ANKRD45: variants seen among roughly 807,000 people sequenced by gnomAD.
The protein encoded by ANKRD45 is ankyrin repeat domain-containing protein 45.
In ANKRD45, 21 loss-of-function variants were observed where a neutral mutation model predicts 28.1. The ratio of observed to expected loss-of-function variants is 0.75; its 90% confidence interval spans 0.53 to 1.08. ANKRD45 has a LOEUF of 1.08. Among genes scored for constraint, ANKRD45 ranks in the 50% least tolerant of loss-of-function variants. ANKRD45 has a pLI of 0.00. For missense variants in ANKRD45, 261 were observed against 308.7 expected (o/e 0.85, Z 1.16); for synonymous variants, 86 against 103.9 (o/e 0.83, Z 1.05).
chr1:173,650,373 T>C (rs531568684), intron 2 of ANKRD45, among the ~76,000 whole-genome samples: 3 of 152,324 alleles, frequency 2.0e-5, no homozygotes, highest in South Asian at 2.1e-4. Flanking sequence ...GTCCTTATGA[T>C]AGTTTGCTGA....
intron 5 of ANKRD45, among the ~76,000 whole-genome samples, chr1:173,613,516 C>T (rs573754975): frequency 6.8e-5 from 10 of 147,228 alleles, no homozygotes; most frequent in Admixed American, 3.3e-4. Context: ...GGGGGCTCAG[C>T]CCCCGCCCGG....
intron 1 of ANKRD45, chr1:173,669,367 T>C (rs1202603759): frequency 4.5e-6 from 2 of 446,112 alleles, no homozygotes; most frequent in Non-Finnish European, 8.9e-6. Context: ...TAGATCCTAA[T>C]GTGCCTTTTA....
At chr1:173,711,055 T>C in the ANKRD45 span, among the ~76,000 whole-genome samples, 1 of 152,074 alleles carries the variant, frequency 6.6e-6, no homozygotes, top group Non-Finnish European at 1.5e-5. Flanking sequence ...ATGGGCCCTG[T>C]GGGTCTCACC....
rs1667027751 is a variant in ANKRD45, at chr1:173,608,836, G to A, written c.*1309C>T. Reference sequence around the variant, plus strand: ...GAGGGAAGAGGAGGAGGAGAGAGAAGAGGAGGGGGAGGGGAGGGGAGAGGA... The same window carrying A: ...GAGGGAAGAGGAGGAGGAGAGAGAAAAGGAGGGGGAGGGGAGGGGAGAGGA... On this transcript the variant is annotated 3_prime_UTR_variant, in exon 6 of 6. Coordinates refer to ENST00000333279, the MANE Select transcript of ANKRD45 (RefSeq NM_198493.3). Among the ~76,000 whole-genome samples, 1 of 115,602 alleles carries A rather than the reference G, an allele frequency of 8.7e-6. No individual in the cohort carries two copies. Among genetic ancestry groups the A allele is most frequent in the South Asian group, 3.1e-4 (1 of 3,206 alleles). 75.8% of individuals were successfully genotyped at this position (115,602 alleles called of 152,430 possible). A position where few individuals can be genotyped will look rare whatever the true frequency, so the allele number is the denominator to read the frequency against.
At chr1:173,711,409 G>A in the ANKRD45 span, among the ~76,000 whole-genome samples, 37 of 152,314 alleles carry the variant, frequency 2.4e-4, 1 homozygote, top group Admixed American at 6.5e-4. Context: ...GGAAAGGTGG[G>A]ACAACTCAAA....
intron 1 of ANKRD45, among the ~76,000 whole-genome samples, chr1:173,661,836 TA>T (rs979688751): frequency 5.9e-5 from 9 of 151,872 alleles, no homozygotes; most frequent in African/African-American, 1.9e-4. Flanking sequence ...CAATAAAAAA[TA>T]AAAAAAGTGA....
At chr1:173,621,070 T>G (rs1318360737) in intron 5 of ANKRD45, among the ~76,000 whole-genome samples, 4 of 152,072 alleles carry the variant, frequency 2.6e-5, no homozygotes, top group African/African-American at 4.8e-5. Flanking sequence ...ATGAATAAAT[T>G]CCTGGACACA....
chr1:173,613,622 C>A (rs1667321488), intron 5 of ANKRD45, among the ~76,000 whole-genome samples: 3 of 145,468 alleles, frequency 2.1e-5, no homozygotes, highest in Admixed American at 2.0e-4. Context: ...CCACGCCCGG[C>A]CAGCTGCCCC....
At chr1:173,638,411 G>A (rs1331909220) in intron 3 of ANKRD45, among the ~76,000 whole-genome samples, 1 of 152,082 alleles carries the variant, frequency 6.6e-6, no homozygotes, top group Non-Finnish European at 1.5e-5. Flanking sequence ...CCCTTGGCAA[G>A]CCTCCAAAGG....
At chr1:173,614,233 C>A (rs1319710285) in intron 5 of ANKRD45, among the ~76,000 whole-genome samples, 3 of 151,574 alleles carry the variant, frequency 2.0e-5, no homozygotes, top group Non-Finnish European at 4.4e-5. Context: ...CTGCCAAATC[C>A]CCCTCTGTGA....
At chr1:173,707,625 G>C in the ANKRD45 span, among the ~76,000 whole-genome samples, 4 of 152,200 alleles carry the variant, frequency 2.6e-5, no homozygotes, top group African/African-American at 9.6e-5. Context: ...GAGCCACCAC[G>C]CCCAGGCTCT....
intron 3 of ANKRD45, among the ~76,000 whole-genome samples, chr1:173,643,735 G>T (rs1412925688): frequency 6.6e-6 from 1 of 151,832 alleles, no homozygotes; most frequent in Admixed American, 6.6e-5. Flanking sequence ...TTGACTTAAA[G>T]TATCTTGAAA....
chr1:173,656,691 CTG>C (rs1363198125), intron 2 of ANKRD45, among the ~76,000 whole-genome samples: 7 of 152,110 alleles, frequency 4.6e-5, no homozygotes. Context: ...TAGCACAATA[CTG>C]TGTTATTTCT....
the ANKRD45 span, among the ~76,000 whole-genome samples, chr1:173,678,476 C>T: frequency 6.6e-6 from 1 of 152,232 alleles, no homozygotes; most frequent in Non-Finnish European, 1.5e-5. Context: ...ATGATTATCT[C>T]AATAGAGATA....
the ANKRD45 span, among the ~76,000 whole-genome samples, chr1:173,676,296 A>G: frequency 6.6e-6 from 1 of 152,250 alleles, no homozygotes; most frequent in African/African-American, 2.4e-5. Context: ...AATTCTGTAG[A>G]AATCAGGTAG....
the ANKRD45 span, among the ~76,000 whole-genome samples, chr1:173,684,613 C>T: frequency 1.6e-4 from 25 of 152,258 alleles, no homozygotes; most frequent in South Asian, 3.1e-3. Flanking sequence ...GATCATTTAC[C>T]CCTGAGTTGT....
intron 2 of ANKRD45, among the ~76,000 whole-genome samples, chr1:173,650,936 T>C (rs1201999790): frequency 6.6e-6 from 1 of 152,168 alleles, no homozygotes. Flanking sequence ...CACTTTTTGA[T>C]GGGGTTGTTT....
At chr1:173,611,750 CAGAA>C (rs1667167385) in intron 5 of ANKRD45, among the ~76,000 whole-genome samples, 1 of 152,038 alleles carries the variant, frequency 6.6e-6, no homozygotes, top group Non-Finnish European at 1.5e-5. Flanking sequence ...AGGTATGACA[CAGAA>C]AGCAGAAGCA....
intron 3 of ANKRD45, among the ~76,000 whole-genome samples, chr1:173,641,717 G>C (rs1179529376): frequency 6.6e-6 from 1 of 152,108 alleles, no homozygotes; most frequent in African/African-American, 2.4e-5. Flanking sequence ...TGCAGGCCAA[G>C]GGAAACTCCA....
Sources: gnomAD v4.1 joint callset for allele counts (sites outside exome capture counted in the v4.1 genomes callset) on GRCh38, gnomAD v4.1.1 for gene constraint, MANE v1.5 for transcripts, NCBI Gene and HGNC (gene_info 2026-07-23, HGNC 2026-07-21) for gene names.